MYOCD: variants seen among roughly 807,000 people sequenced by gnomAD.
The protein encoded by MYOCD is myocardin.
Under a neutral mutation model 96.1 loss-of-function variants are expected in MYOCD, and 32 were observed. That is an observed-to-expected ratio of 0.33 (90% confidence interval 0.25 to 0.45). The LOEUF (loss-of-function observed/expected upper bound fraction) is 0.45. Ranked by LOEUF, MYOCD falls within the 20% of genes least tolerant of loss-of-function variation. The pLI is 1.00. For missense variants in MYOCD, 1,133 were observed against 1,200.6 expected (o/e 0.94, Z 0.83); for synonymous variants, 469 against 469.0 (o/e 1.00, Z 0.00).
intron 1 of MYOCD, among the ~76,000 whole-genome samples, chr17:12,668,519 CTG>C (rs1909496293): frequency 6.6e-6 from 1 of 152,188 alleles, no homozygotes; most frequent in African/African-American, 2.4e-5. Context: ...TTTCTATAAG[CTG>C]TATTTGAGTG....
rs533672994 is a variant in MYOCD, at chr17:12,739,131, C to T, written c.592-72C>T. The T allele has an allele frequency of 3.2e-5, 48 of 1,511,614 alleles. No individual in the cohort carries two copies. In the East Asian group the frequency reaches 8.1e-4, roughly 25 times the overall value. 93.6% of individuals were successfully genotyped at this position (1,511,614 alleles called of 1,614,324 possible). On this transcript the variant is annotated intron_variant, in intron 6 of 13. Transcript: ENST00000425538. ...GATGAAAGCAGCAGAGGTATATATACGGACTCTAACATTTCTGTGTCACAC... is the reference window on the plus strand; with the variant it reads ...GATGAAAGCAGCAGAGGTATATATATGGACTCTAACATTTCTGTGTCACAC...
Position 12,767,445 on chromosome 17 carries a change from T to G in MYOCD, c.*3801T>G, listed in dbSNP as rs967374341. The G allele has an allele frequency of 6.6e-6, 1 of 152,242 alleles. No homozygotes were observed. Among genetic ancestry groups the G allele is most frequent in the African/African-American group, 2.4e-5 (1 of 41,470 alleles). 9.4% of individuals were successfully genotyped at this position (152,242 alleles called of 1,614,324 possible). ...ACAAATTTACTCATCCAGTGGCTAA[T>G]ATTTAATGCCCACCATGGGCAGAGC... On this transcript the variant is annotated 3_prime_UTR_variant, in exon 14 of 14. Transcript: ENST00000425538.
At chr17:12,720,617 AATTATATACTT>A (rs1370772591) in intron 4 of MYOCD, among the ~76,000 whole-genome samples, 1 of 152,164 alleles carries the variant, frequency 6.6e-6, no homozygotes, top group Admixed American at 6.5e-5. Flanking sequence ...TGGGAAGAAA[AATTATATACTT>A]ATTATATACT....
At chr17:12,698,553 A>T (rs2030890663) in intron 1 of MYOCD, among the ~76,000 whole-genome samples, 1 of 152,210 alleles carries the variant, frequency 6.6e-6, no homozygotes, top group African/African-American at 2.4e-5. Flanking sequence ...CATAGTAGGC[A>T]GTCTAATATG....
Position 12,763,835 on chromosome 17 carries a change from C to T in MYOCD, c.*191C>T. The T allele has an allele frequency of 4.0e-6, 2 of 502,918 alleles. No individual in the cohort carries two copies. Among genetic ancestry groups the T allele is most frequent in the Non-Finnish European group, 6.8e-6 (2 of 293,006 alleles). The allele number at this position is 502,918 out of a possible 1,614,324, so 31.2% of individuals were successfully genotyped here. ...ATATACTGTAATATTTACCAACAGT[C>T]AGTAACTGTTAATGATTTCAACAAT... On this transcript the variant is annotated 3_prime_UTR_variant, in exon 14 of 14. Transcript: ENST00000425538.
At chr17:12,744,901 C>T (rs1248607545) in intron 8 of MYOCD, among the ~76,000 whole-genome samples, 3 of 152,214 alleles carry the variant, frequency 2.0e-5, no homozygotes, top group African/African-American at 7.2e-5. Flanking sequence ...TATTTTTGAA[C>T]TGCAGTTGAC....
At chr17:12,760,765 A>G in intron 13 of MYOCD, 58 bp downstream of exon 13, 1 of 1,409,684 alleles carries the variant, frequency 7.1e-7, no homozygotes, top group Non-Finnish European at 1.0e-6. Context: ...AACTCTAAGG[A>G]ATGAACTCTC....
intron 5 of MYOCD, among the ~76,000 whole-genome samples, chr17:12,728,193 C>T (rs1265429621): frequency 6.6e-6 from 1 of 152,080 alleles, no homozygotes; most frequent in African/African-American, 2.4e-5. Flanking sequence ...TGAAATATCC[C>T]TCTGTGTTGA....
At chr17:12,763,045 A>G (rs750710959) in intron 13 of MYOCD, 28 bp from the exon 14 acceptor site, 1 of 1,561,758 alleles carries the variant, frequency 6.4e-7, no homozygotes, top group African/African-American at 1.4e-5. Context: ...GAAGTGATTT[A>G]ACAAGTCACA....
intron 8 of MYOCD, 59 bp downstream of exon 8, chr17:12,744,495 A>G (rs1469535795): frequency 1.3e-6 from 2 of 1,535,346 alleles, no homozygotes; most frequent in African/African-American, 2.7e-5. Context: ...GGTGTCTATT[A>G]ATATCTATCT....
At position 12,752,927 on chromosome 17, in the gene MYOCD, A is replaced by T. The variant is rs200734685; in HGVS notation, c.1639A>T (p.Met547Leu). 6.2e-7 allele frequency: 1 copy of T among 1,614,122 alleles called. No individual in the cohort carries two copies. Among genetic ancestry groups the T allele is most frequent in the Non-Finnish European group, 8.5e-7 (1 of 1,180,030 alleles). ...QEQRQVEELR[M>L]QLQKQKRNNC... The stretch of plus-strand genomic sequence containing the variant: ...GCAGAGGCAGGTGGAGGAGCTGAGG[A>T]TGCAGCTTCAGAAGCAGAAAAGGAA... Residue 547 changes from methionine (M) to leucine (L), a missense_variant, in exon 10 of 14, where the codon ATG (methionine) becomes TTG (leucine). Coordinates refer to ENST00000425538, the MANE Select transcript of MYOCD (RefSeq NM_001146312.3).
intron 6 of MYOCD, among the ~76,000 whole-genome samples, chr17:12,736,904 C>A (rs1183186154): frequency 6.6e-6 from 1 of 152,192 alleles, no homozygotes; most frequent in Non-Finnish European, 1.5e-5. Context: ...ATCTACAAAC[C>A]CTTGAGCATG....
At chr17:12,755,186 A>G (rs756346031) in intron 10 of MYOCD, among the ~76,000 whole-genome samples, 1 of 152,246 alleles carries the variant, frequency 6.6e-6, no homozygotes, top group African/African-American at 2.4e-5. Flanking sequence ...CTGGGAAACA[A>G]AGGTAAAAAT....
chr17:12,734,714 T>C (rs1217725855), intron 5 of MYOCD, among the ~76,000 whole-genome samples: 2 of 151,976 alleles, frequency 1.3e-5, no homozygotes, highest in Non-Finnish European at 2.9e-5. Flanking sequence ...TTTCACCATG[T>C]TGGCCAGGCT....
chr17:12,731,684 A>G (rs1172835478), intron 5 of MYOCD, among the ~76,000 whole-genome samples: 2 of 152,204 alleles, frequency 1.3e-5, no homozygotes, highest in East Asian at 1.9e-4. Context: ...AGAGAGGTCA[A>G]ATAACTTGCC....
intron 12 of MYOCD, among the ~76,000 whole-genome samples, chr17:12,759,672 C>G (rs2033115959): frequency 6.6e-6 from 1 of 152,138 alleles, no homozygotes; most frequent in African/African-American, 2.4e-5. Context: ...AGAAATAAGA[C>G]TCTACTGAGA....
At chr17:12,744,785 A>G (rs979783906) in intron 8 of MYOCD, among the ~76,000 whole-genome samples, 10 of 152,246 alleles carry the variant, frequency 6.6e-5, no homozygotes, top group Non-Finnish European at 1.5e-4. Context: ...GAGAATAACA[A>G]TAATAGCTAG....
chr17:12,679,132 C>T (rs146778621), intron 1 of MYOCD, among the ~76,000 whole-genome samples: 358 of 152,334 alleles, frequency 2.4e-3, no homozygotes, highest in African/African-American at 8.1e-3. Flanking sequence ...ATGGTCTTTT[C>T]AGATAGGCAG....
At chr17:12,716,876 G>A (rs765224858) in intron 3 of MYOCD, among the ~76,000 whole-genome samples, 6 of 151,720 alleles carry the variant, frequency 4.0e-5, no homozygotes, top group Non-Finnish European at 8.8e-5. Context: ...TGTGGTCCCA[G>A]CTACTCATGG....
Sources: allele counts gnomAD v4.1 joint callset (sites outside exome capture counted in the v4.1 genomes callset), GRCh38; gene constraint gnomAD v4.1.1; transcripts MANE v1.5; gene names NCBI Gene and HGNC (gene_info 2026-07-23, HGNC 2026-07-21).